CD1D: variants seen among roughly 807,000 people sequenced by gnomAD.
The protein encoded by CD1D is antigen-presenting glycoprotein CD1d.
Under a neutral mutation model 42.1 loss-of-function variants are expected in CD1D, and 40 were observed. The observed-to-expected ratio is 0.95, with a 90% CI of 0.74 to 1.24. The LOEUF (loss-of-function observed/expected upper bound fraction) is 1.24, where lower values mean the gene tolerates loss of function less well. Among genes scored for constraint, CD1D ranks in the 50% most tolerant of loss-of-function variants. The pLI is 0.00. For synonymous variants in CD1D, 178 were observed against 171.8 expected (o/e 1.04, Z -0.28); for missense variants, 437 against 416.5 (o/e 1.05, Z -0.43).
rs774300975 is a variant in CD1D at position 158,181,548 on chromosome 1, A to T, written c.155A>T (p.Glu52Val). 13 of 1,613,438 alleles carry T rather than the reference A, an allele frequency of 8.1e-6. No individual in the cohort carries two copies. Among genetic ancestry groups the T allele is most frequent in the Non-Finnish European group, 1.0e-5 (12 of 1,179,940 alleles). ...TRTDGLAWLGELQTHSWSNDS... is the reference protein window; with the variant it reads ...TRTDGLAWLGVLQTHSWSNDS... ...ACCGACGGCTTGGCGTGGCTGGGGG[A>T]GCTGCAGACGCACAGCTGGAGCAAC... The change falls in exon 2 of 6, where the codon GAG becomes GTG. Residue 52 changes from glutamate to valine, a missense_variant. Coordinates refer to ENST00000674085, the MANE Select transcript of CD1D (RefSeq NM_001371762.2).
chr1:158,181,269 G>T, intron 1 of CD1D, 107 bp downstream of exon 1: 1 of 1,434,358 alleles, frequency 7.0e-7, no homozygotes, highest in Middle Eastern at 2.3e-4. Context: ...GACCCGGGAC[G>T]CACTGGCGCG....
At chr1:158,179,877 T>G (rs557196017), upstream of CD1D, 1 of 152,180 alleles carries the variant, frequency 6.6e-6, no homozygotes, top group African/African-American at 2.4e-5. Flanking sequence ...TGCTGGGGTG[T>G]GAGGTGATGT....
chr1:158,184,507 T>TC lies in CD1D; in HGVS notation c.*359dup. The TC allele has an allele frequency of 3.8e-6, 1 of 265,476 alleles. No individual in the cohort carries two copies. The allele number at this position is 265,476 out of a possible 1,614,324, so 16.4% of individuals were successfully genotyped here. A position where few individuals can be genotyped will look rare whatever the true frequency, so the allele number is the denominator to read the frequency against. On this transcript the variant is annotated 3_prime_UTR_variant, in exon 6 of 6. Coordinates refer to ENST00000674085, the MANE Select transcript of CD1D (RefSeq NM_001371762.2). ...TCTGTAAGGAACTGGAACACACATG[T>TC]CCTATCCAAAGGAATCAGCTGCAGC...
intron 4 of CD1D, among the ~76,000 whole-genome samples, chr1:158,183,358 G>A (rs1648549050): frequency 6.6e-6 from 1 of 152,176 alleles, no homozygotes; most frequent in African/African-American, 2.4e-5. Context: ...GATTGAAATA[G>A]TGCTCTCTAT....
rs572544380 is a variant in CD1D, at chr1:158,185,709, A to G, written c.*1559A>G. ...TTAAAAAAAAATTATGCTAGCTTTT[A>G]AATCAATGGTTCCCAAATTGTAGTA... On this transcript the variant is annotated 3_prime_UTR_variant, in exon 6 of 6. Coordinates refer to ENST00000674085, the MANE Select transcript of CD1D (RefSeq NM_001371762.2). 6.6e-6 allele frequency among the ~76,000 whole-genome samples: 1 copy of G among 152,274 alleles called. No homozygotes were observed. The highest frequency in any genetic ancestry group is 1.9e-4 in the East Asian group (1 of 5,160).
At chr1:158,180,880 G>C (rs1025513659), upstream of CD1D, 18 of 435,214 alleles carry the variant, frequency 4.1e-5, no homozygotes, top group Non-Finnish European at 5.7e-5. Flanking sequence ...GGATTCCTGG[G>C]ACCCCGACCT....
rs1294828724 is a variant in CD1D, at chr1:158,186,310, G to A, written c.*2160G>A. On this transcript the variant is annotated 3_prime_UTR_variant, in exon 6 of 6. Transcript: ENST00000674085. ...CCTTCTGCATTCTGAGGGCACGTGT[G>A]TTAAAGTCTCTACTGATGTCCTTTT... Among the ~76,000 whole-genome samples the A allele has an allele frequency of 6.6e-6, 1 of 152,158 alleles. No individual in the cohort carries two copies. The highest frequency in any genetic ancestry group is 1.5e-5 in the Non-Finnish European group (1 of 68,018).
Position 158,184,027 on chromosome 1 carries a change from G to C in CD1D, c.978G>C (p.Lys326Asn). ...LLIVGFTSRF[K>N]RQTSYQGVL ...TTGTGGGCTTTACCTCCCGGTTTAA[G>C]AGGCAAACGTAAGTCTCCCCTTTCC... The change falls in exon 5 of 6, where the codon AAG becomes AAC. Residue 326 changes from lysine to asparagine, a missense_variant. Lys to Asn is a moderately conservative substitution (Grantham distance 94). Transcript: ENST00000674085. 6.2e-7 allele frequency: 1 copy of C among 1,614,132 alleles called. No individual in the cohort carries two copies. The highest frequency in any genetic ancestry group is 8.5e-7 in the Non-Finnish European group (1 of 1,179,980).
Position 158,185,287 on chromosome 1 carries a change from A to AGT in CD1D, c.*1137_*1138insGT, listed in dbSNP as rs1648657583. Reference sequence around the variant, plus strand: ...CAGGGTCCCTGAACACCCAGAAAAAATAAGTGAGACTTAACGGTTGGAGAG... The same window carrying AGT: ...CAGGGTCCCTGAACACCCAGAAAAAAGTTAAGTGAGACTTAACGGTTGGAGAG... On this transcript the variant is annotated 3_prime_UTR_variant, in exon 6 of 6. Coordinates refer to ENST00000674085, the MANE Select transcript of CD1D (RefSeq NM_001371762.2). Among the ~76,000 whole-genome samples the AGT allele has an allele frequency of 6.6e-6, 1 of 152,224 alleles. No individual in the cohort carries two copies. Among genetic ancestry groups the AGT allele is most frequent in the South Asian group, 2.1e-4 (1 of 4,832 alleles).
Position 158,182,017 on chromosome 1 carries a change from C to T in CD1D, c.329-15C>T. The T allele has an allele frequency of 2.5e-6, 4 of 1,579,580 alleles. No individual in the cohort carries two copies. Among genetic ancestry groups the T allele is most frequent in the South Asian group, 1.2e-5 (1 of 85,782 alleles). Reference sequence around the variant, plus strand: ...TTTAAACCCTTCTTTGATCTTTCTCCATTCCTCTCCACAGATCCCTTGGAG... The same window carrying T: ...TTTAAACCCTTCTTTGATCTTTCTCTATTCCTCTCCACAGATCCCTTGGAG... On this transcript the variant is annotated splice_polypyrimidine_tract_variant and intron_variant, in intron 2 of 5. Transcript: ENST00000674085.
At chr1:158,179,438 C>G (rs565710190), upstream of CD1D, among the ~76,000 whole-genome samples, 285 of 152,254 alleles carry the variant, frequency 1.9e-3, 2 homozygotes, top group African/African-American at 6.7e-3. Context: ...GAAACATTAA[C>G]GTTAGCAGAA....
chr1:158,178,112 T>C (rs1648244963), upstream of CD1D, among the ~76,000 whole-genome samples: 1 of 152,236 alleles, frequency 6.6e-6, no homozygotes, highest in Non-Finnish European at 1.5e-5. Context: ...ATGTTTCTTT[T>C]AGTGGATCTC....
chr1:158,178,404 G>C (rs759514580), upstream of CD1D, among the ~76,000 whole-genome samples: 1 of 152,128 alleles, frequency 6.6e-6, no homozygotes, highest in Non-Finnish European at 1.5e-5. Context: ...GTCCTCTCAA[G>C]AATCTTAAAT....
At chr1:158,182,523 G>A in intron 3 of CD1D, 1 of 623,490 alleles carries the variant, frequency 1.6e-6, no homozygotes, top group Non-Finnish European at 2.8e-6. Context: ...GGTGAAAGGT[G>A]TCAGGCAGTT....
rs776115774 is a variant in CD1D at position 158,182,936 on chromosome 1, G to A, written c.666G>A (p.Leu222=). 5 of 1,614,140 alleles carry A rather than the reference G, an allele frequency of 3.1e-6. No homozygotes were observed. Among genetic ancestry groups the A allele is most frequent in the Non-Finnish European group, 4.2e-6 (5 of 1,179,984 alleles). ...GPSPGPGRLL[L]VCHVSGFYPK... ...GTCCTGGCCCTGGCCGTCTGCTGCT[G>A]GTGTGCCATGTCTCAGGATTCTACC... Residue 222 remains leucine, a synonymous_variant, in exon 4 of 6, where the codon CTG becomes CTA. Coordinates refer to ENST00000674085, the MANE Select transcript of CD1D (RefSeq NM_001371762.2).
Position 158,183,051 on chromosome 1 carries a change from TG to T in CD1D, c.783del (p.Trp261CysfsTer21). 1 of 1,614,080 alleles carries T rather than the reference TG, an allele frequency of 6.2e-7. No homozygotes were observed. The highest frequency in any genetic ancestry group is 8.5e-7 in the Non-Finnish European group (1 of 1,179,978). On this transcript the variant is annotated frameshift_variant, in exon 4 of 6. Transcript: ENST00000674085. LOFTEE classifies it high-confidence loss of function. ...GDILPNADET[W>X]YLRATLDVVA... is the part of the protein sequence containing the mutation. ...CATCCTGCCCAATGCTGACGAGACATGGTATCTCCGAGCAACCCTGGATGTG... is the reference window on the plus strand; with the variant it reads ...CATCCTGCCCAATGCTGACGAGACATGTATCTCCGAGCAACCCTGGATGTG...
At position 158,184,127 on chromosome 1, in the gene CD1D, A is replaced by G; in HGVS notation, c.987-2A>G. 1 of 1,613,860 alleles carries G rather than the reference A, an allele frequency of 6.2e-7. No homozygotes were observed. Among genetic ancestry groups the G allele is most frequent in the Non-Finnish European group, 8.5e-7 (1 of 1,179,970 alleles). On this transcript the variant is annotated splice_acceptor_variant, in intron 5 of 5. Coordinates refer to ENST00000674085, the MANE Select transcript of CD1D (RefSeq NM_001371762.2). LOFTEE classifies it high-confidence loss of function. ...GGTCTTTCCCTTTCTATTCTCTCAC[A>G]GTTCCTATCAGGGCGTCCTGTGACT...
At chr1:158,183,489 A>G (rs1558045579) in intron 4 of CD1D, among the ~76,000 whole-genome samples, 1 of 152,212 alleles carries the variant, frequency 6.6e-6, no homozygotes, top group African/African-American at 2.4e-5. Flanking sequence ...GCAGGTTAGC[A>G]AAGATAGCTT....
chr1:158,183,298 G>T, intron 4 of CD1D, 142 bp downstream of exon 4: 1 of 1,002,690 alleles, frequency 1.0e-6, no homozygotes, highest in South Asian at 2.3e-5. Context: ...GATAGAGAGA[G>T]GGGTTCCAGA....
Sources: gnomAD v4.1 joint callset for allele counts (sites outside exome capture counted in the v4.1 genomes callset) on GRCh38, gnomAD v4.1.1 for gene constraint, MANE v1.5 for transcripts, NCBI Gene and HGNC (gene_info 2026-07-23, HGNC 2026-07-21) for gene names.